Variants in STAU2 observed in about 807,000 individuals in gnomAD.
The protein encoded by STAU2 is double-stranded RNA-binding protein Staufen homolog 2.
STAU2 carries 20 observed loss-of-function variants against 65.9 expected under a neutral mutation model. That is an observed-to-expected ratio of 0.30 (90% CI 0.21 to 0.44). The LOEUF (loss-of-function observed/expected upper bound fraction) is 0.44. Among genes scored for constraint, STAU2 ranks in the 20% least tolerant of loss-of-function variants. STAU2 has a pLI of 1.00. For synonymous variants in STAU2, 232 were observed against 233.9 expected, an observed-to-expected ratio of 0.99 and a Z score of 0.07; for missense variants, 558 against 683.9, an observed-to-expected ratio of 0.82 and a Z score of 2.05.
chr8:73,581,174 G>A (rs1445013802), intron 12 of STAU2, among the ~76,000 whole-genome samples: 3 of 151,974 alleles, frequency 2.0e-5, no homozygotes, highest in Non-Finnish European at 4.4e-5. Context: ...AAAGCTAGGG[G>A]CCAAAACATC....
At chr8:73,458,764 G>A (rs1585798542) in intron 13 of STAU2, 1 of 152,216 alleles carries the variant, frequency 6.6e-6, no homozygotes, top group African/African-American at 2.4e-5. Context: ...AACCAAAGTG[G>A]TATAAACCAA....
chr8:73,668,344 C>T (rs1817390807), intron 6 of STAU2, among the ~76,000 whole-genome samples: 1 of 152,164 alleles, frequency 6.6e-6, no homozygotes, highest in Non-Finnish European at 1.5e-5. Flanking sequence ...AGAGATATCC[C>T]AGTTACATAG....
chr8:73,439,011 G>T, intron 13 of STAU2: 2 of 456,752 alleles, frequency 4.4e-6, no homozygotes, highest in South Asian at 3.1e-5. Flanking sequence ...TCTCCGTTTA[G>T]AAGACTGCAT....
chr8:73,521,467 C>T (rs770733171), intron 13 of STAU2, among the ~76,000 whole-genome samples: 3 of 152,138 alleles, frequency 2.0e-5, no homozygotes, highest in Non-Finnish European at 4.4e-5. Flanking sequence ...TGTATGTATA[C>T]GGTAAACATA....
chr8:73,591,911 A>C (rs1459168762), intron 11 of STAU2, among the ~76,000 whole-genome samples: 1 of 142,926 alleles, frequency 7.0e-6, no homozygotes, highest in Non-Finnish European at 1.5e-5. Context: ...AAAAAAAAAA[A>C]AAACAAGAGA....
At position 73,699,860 on chromosome 8, in the gene STAU2, C is replaced by CAA. The variant is rs201419278; in HGVS notation, c.114+9170_114+9171dup. ...CTGATACCAAAAACCAAACACACAT[C>CAA]AAAAAAAAAAAAAAAAAAACCTACA... On this transcript the variant is annotated intron_variant, in intron 4 of 14. Transcript: ENST00000524300. Among the ~76,000 whole-genome samples, 14 of 88,864 alleles carry CAA rather than the reference C, an allele frequency of 1.6e-4. 1 individual carries two copies. The highest frequency in any genetic ancestry group is 3.7e-4 in the African/African-American group (9 of 24,036). 58.3% of individuals were successfully genotyped at this position (88,864 alleles called of 152,430 possible). A position where few individuals can be genotyped will look rare whatever the true frequency, so the allele number is the denominator to read the frequency against.
chr8:73,461,509 G>A (rs1015489427), intron 13 of STAU2, among the ~76,000 whole-genome samples: 1 of 152,046 alleles, frequency 6.6e-6, no homozygotes, highest in African/African-American at 2.4e-5. Context: ...AAACCTTGTA[G>A]AGTCATAAGT....
intron 6 of STAU2, among the ~76,000 whole-genome samples, chr8:73,649,671 A>G (rs1815680311): frequency 6.6e-6 from 1 of 151,792 alleles, no homozygotes; most frequent in African/African-American, 2.4e-5. Context: ...TCTTACTTAT[A>G]AAAGTCATAT....
chr8:73,629,990 C>T (rs1813971296), intron 6 of STAU2, among the ~76,000 whole-genome samples: 1 of 152,072 alleles, frequency 6.6e-6, no homozygotes, highest in Non-Finnish European at 1.5e-5. Context: ...TGCTCAACTA[C>T]CTGGATCCTT....
chr8:73,680,492 G>A (rs920302912), intron 5 of STAU2, among the ~76,000 whole-genome samples: 1 of 152,080 alleles, frequency 6.6e-6, no homozygotes, highest in Non-Finnish European at 1.5e-5. Flanking sequence ...TCTTGCCTCT[G>A]ACACAGTATA....
At chr8:73,428,139 C>G (rs1179049252) in intron 13 of STAU2, among the ~76,000 whole-genome samples, 2 of 152,190 alleles carry the variant, frequency 1.3e-5, no homozygotes, top group Non-Finnish European at 2.9e-5. Context: ...TCCACCTACC[C>G]CCAGCCTCTG....
At chr8:73,468,640 C>T (rs1433493359) in intron 13 of STAU2, among the ~76,000 whole-genome samples, 61 of 152,284 alleles carry the variant, frequency 4.0e-4, no homozygotes, top group African/African-American at 1.1e-3. Flanking sequence ...AAAAAGTGGG[C>T]GAAGGATATG....
intron 13 of STAU2, among the ~76,000 whole-genome samples, chr8:73,456,186 C>T (rs1039494553): frequency 6.6e-6 from 1 of 152,052 alleles, no homozygotes; most frequent in Non-Finnish European, 1.5e-5. Flanking sequence ...AGTTAAAAAC[C>T]GAAAGTCAAA....
At chr8:73,560,154 C>T (rs962988884) in intron 12 of STAU2, among the ~76,000 whole-genome samples, 1 of 148,122 alleles carries the variant, frequency 6.8e-6, no homozygotes, top group African/African-American at 2.5e-5. Context: ...CATCTCGGCT[C>T]ACTGCAAGCT....
chr8:73,583,325 T>C (rs548098669), intron 11 of STAU2, among the ~76,000 whole-genome samples: 1 of 152,146 alleles, frequency 6.6e-6, no homozygotes, highest in Non-Finnish European at 1.5e-5. Context: ...TTTGTATTTT[T>C]AGTAGAGATG....
chr8:73,468,397 A>G (rs1299448521), intron 13 of STAU2, among the ~76,000 whole-genome samples: 1 of 152,222 alleles, frequency 6.6e-6, no homozygotes. Context: ...AGGCATAGGC[A>G]AGGACTTCAT....
At chr8:73,514,010 A>T (rs1394944390) in intron 13 of STAU2, among the ~76,000 whole-genome samples, 1 of 152,162 alleles carries the variant, frequency 6.6e-6, no homozygotes, top group Admixed American at 6.5e-5. Flanking sequence ...GTCTTTTATC[A>T]ATTTTCAGAG....
intron 13 of STAU2, among the ~76,000 whole-genome samples, chr8:73,493,629 T>C (rs1402960742): frequency 6.6e-6 from 1 of 151,770 alleles, no homozygotes; most frequent in Non-Finnish European, 1.5e-5. Flanking sequence ...CAGTAGCAAA[T>C]GTTGGCAAGG....
intron 10 of STAU2, among the ~76,000 whole-genome samples, chr8:73,597,669 C>CAAAAAAA (rs34461371): frequency 5.4e-5 from 3 of 55,876 alleles, no homozygotes; most frequent in African/African-American, 7.0e-5. Flanking sequence ...GTCTCTGTCT[C>CAAAAAAA]AAAAAAAAAA....
Sources: allele counts gnomAD v4.1 joint callset (sites outside exome capture counted in the v4.1 genomes callset), GRCh38; gene constraint gnomAD v4.1.1; transcripts MANE v1.5; gene names NCBI Gene and HGNC (gene_info 2026-07-23, HGNC 2026-07-21).